CXCL13: variants seen among roughly 807,000 people sequenced by gnomAD.
The protein encoded by CXCL13 is C-X-C motif chemokine ligand 13, also known as C-X-C motif chemokine 13.
Under a neutral mutation model 12.2 loss-of-function variants are expected in CXCL13, and 7 were observed. The ratio of observed to expected loss-of-function variants is 0.57; its 90% confidence interval spans 0.33 to 1.07. The LOEUF (loss-of-function observed/expected upper bound fraction) is 1.07. CXCL13 is among the 50% of genes least tolerant of loss of function. CXCL13 has a pLI of 0.04. For synonymous variants in CXCL13, 47 were observed against 42.4 expected, an observed-to-expected ratio of 1.11 and a Z score of -0.42; for missense variants, 113 against 127.4, an observed-to-expected ratio of 0.89 and a Z score of 0.55.
chr4:77,538,672 C>T (rs751041328), intron 1 of CXCL13, among the ~76,000 whole-genome samples: 5 of 152,142 alleles, frequency 3.3e-5, no homozygotes, highest in Non-Finnish European at 5.9e-5. Context: ...GAAATGGCTA[C>T]CTGGATACCC....
intron 1 of CXCL13, among the ~76,000 whole-genome samples, chr4:77,544,681 T>C (rs1162037424): frequency 6.6e-6 from 1 of 152,234 alleles, no homozygotes; most frequent in Non-Finnish European, 1.5e-5. Flanking sequence ...AAAAATTTTC[T>C]CCCATTCTGT....
At chr4:77,610,930 CCA>C (rs1404195360) in intron 3 of CXCL13, 56 bp from the exon 4 acceptor site, 2 of 1,480,628 alleles carry the variant, frequency 1.4e-6, no homozygotes, top group Admixed American at 1.7e-5. Flanking sequence ...CAGAGGAAAG[CCA>C]CAGTTTCTTG....
chr4:77,526,060 G>C (rs950401705), intron 1 of CXCL13, among the ~76,000 whole-genome samples: 1 of 151,956 alleles, frequency 6.6e-6, no homozygotes, highest in Non-Finnish European at 1.5e-5. Flanking sequence ...CAGGTTTCTA[G>C]AGGTATCACT....
At chr4:77,584,830 C>T (rs946592971) in intron 1 of CXCL13, among the ~76,000 whole-genome samples, 5 of 151,990 alleles carry the variant, frequency 3.3e-5, no homozygotes, top group Non-Finnish European at 5.9e-5. Context: ...GCTTTTTCTC[C>T]TCTAGGTTTT....
chr4:77,583,558 A>T (rs1726386272), intron 1 of CXCL13, among the ~76,000 whole-genome samples: 1 of 152,168 alleles, frequency 6.6e-6, no homozygotes, highest in Non-Finnish European at 1.5e-5. Flanking sequence ...CTGCACGTCA[A>T]TGTGGGCCTT....
chr4:77,550,057 C>A (rs1035477260), intron 1 of CXCL13, among the ~76,000 whole-genome samples: 2 of 152,230 alleles, frequency 1.3e-5, no homozygotes, highest in African/African-American at 2.4e-5. Context: ...GGCGGACACC[C>A]CTCTCCCAGC....
intron 1 of CXCL13, among the ~76,000 whole-genome samples, chr4:77,555,591 C>T (rs549541275): frequency 2.0e-5 from 3 of 151,980 alleles, no homozygotes; most frequent in Admixed American, 6.6e-5. Flanking sequence ...AGGAAAATGT[C>T]TTCTTAAACC....
intron 1 of CXCL13, among the ~76,000 whole-genome samples, chr4:77,531,741 G>A (rs1311481694): frequency 6.6e-6 from 1 of 152,154 alleles, no homozygotes; most frequent in Non-Finnish European, 1.5e-5. Context: ...TGTATTGGGT[G>A]AATATATATT....
At chr4:77,527,895 C>T (rs1293073943) in intron 1 of CXCL13, among the ~76,000 whole-genome samples, 1 of 152,076 alleles carries the variant, frequency 6.6e-6, no homozygotes, top group Non-Finnish European at 1.5e-5. Flanking sequence ...CGTCATTTAA[C>T]ATTAGGTATA....
intron 1 of CXCL13, among the ~76,000 whole-genome samples, chr4:77,531,130 T>G (rs954110878): frequency 2.1e-5 from 3 of 144,992 alleles, no homozygotes; most frequent in African/African-American, 7.7e-5. Flanking sequence ...TTATTATTAT[T>G]ATCATTATTA....
At chr4:77,526,605 G>A (rs557876602) in intron 1 of CXCL13, among the ~76,000 whole-genome samples, 2 of 152,256 alleles carry the variant, frequency 1.3e-5, no homozygotes, top group African/African-American at 4.8e-5. Flanking sequence ...TACATAATTG[G>A]CTCTTAGCCC....
At position 77,594,496 on chromosome 4, in the gene CXCL13, A is replaced by G. The variant is rs142310087; in HGVS notation, c.-42-11328A>G. ...ACCCATTTTAGCAGCTTGTTATTAGAGCTATTGGGCATCAACATAGCTCAA... is the reference window on the plus strand; with the variant it reads ...ACCCATTTTAGCAGCTTGTTATTAGGGCTATTGGGCATCAACATAGCTCAA... On this transcript the variant is annotated intron_variant, in intron 1 of 4. Transcript: ENST00000286758. 9.4e-4 allele frequency among the ~76,000 whole-genome samples: 143 copies of G among 152,078 alleles called. 3 individuals are homozygous for G. The highest frequency in any genetic ancestry group is 3.4e-3 in the African/African-American group (140 of 41,352).
At chr4:77,529,096 T>C (rs1306975653) in intron 1 of CXCL13, among the ~76,000 whole-genome samples, 1 of 152,194 alleles carries the variant, frequency 6.6e-6, no homozygotes, top group Non-Finnish European at 1.5e-5. Flanking sequence ...TGTAGATATG[T>C]GGTATTATTT....
intron 1 of CXCL13, among the ~76,000 whole-genome samples, chr4:77,576,779 G>C (rs1436978698): frequency 2.6e-5 from 4 of 152,182 alleles, no homozygotes; most frequent in African/African-American, 7.2e-5. Flanking sequence ...TATTCTTGCT[G>C]CACTGTACAC....
chr4:77,538,892 G>T (rs1725134840), intron 1 of CXCL13, among the ~76,000 whole-genome samples: 4 of 152,082 alleles, frequency 2.6e-5, no homozygotes, highest in African/African-American at 9.7e-5. Flanking sequence ...CTCAATTCTT[G>T]TCTCCTCAGA....
chr4:77,518,614 C>A (rs562454542), intron 1 of CXCL13, among the ~76,000 whole-genome samples: 2 of 152,210 alleles, frequency 1.3e-5, no homozygotes, highest in Non-Finnish European at 2.9e-5. Context: ...GCATTCTTCA[C>A]GTCGTTCTCG....
chr4:77,517,267 A>T (rs1235989607), intron 1 of CXCL13, among the ~76,000 whole-genome samples: 1 of 152,180 alleles, frequency 6.6e-6, no homozygotes, highest in African/African-American at 2.4e-5. Flanking sequence ...GTGGTGCTGA[A>T]AAAAATGTAT....
In CXCL13 at chr4:77,545,178, G is replaced by T. The variant is rs148500181; in HGVS notation, c.-43+33390G>T. Reference sequence around the variant, plus strand: ...TGTAATATAGTTTGAAGTCAGGTAGGGTGATGCCTCCAGCTTTGTTCTTTT... The same window carrying T: ...TGTAATATAGTTTGAAGTCAGGTAGTGTGATGCCTCCAGCTTTGTTCTTTT... On this transcript the variant is annotated intron_variant, in intron 1 of 4. Coordinates refer to the CXCL13 transcript ENST00000286758. 6.4e-3 allele frequency among the ~76,000 whole-genome samples: 975 copies of T among 152,010 alleles called. 20 individuals carry two copies. The highest frequency in any genetic ancestry group is 0.023 in the African/African-American group (936 of 41,504).
At chr4:77,544,804 G>A (rs1725310494) in intron 1 of CXCL13, among the ~76,000 whole-genome samples, 1 of 152,152 alleles carries the variant, frequency 6.6e-6, no homozygotes, top group Non-Finnish European at 1.5e-5. Flanking sequence ...TGGTATTTTA[G>A]TCATGAAGTC....
Sources: gnomAD v4.1 joint callset for allele counts (sites outside exome capture counted in the v4.1 genomes callset) on GRCh38, gnomAD v4.1.1 for gene constraint, MANE v1.5 for transcripts, NCBI Gene and HGNC (gene_info 2026-07-23, HGNC 2026-07-21) for gene names.